The following UNC5D variants were observed in gnomAD, a reference collection of about 807,000 sequenced individuals.
UNC5D encodes unc-5 netrin receptor D.
Under a neutral mutation model 105.4 loss-of-function variants are expected in UNC5D, and 39 were observed. That is an observed-to-expected ratio of 0.37 (90% confidence interval 0.29 to 0.48). The LOEUF is 0.48. Ranked by LOEUF, UNC5D falls within the 20% of genes least tolerant of loss-of-function variation. The pLI, the probability that UNC5D is intolerant of heterozygous loss-of-function variation, is 0.98. For missense variants in UNC5D, 991 were observed against 1,202.4 expected, an observed-to-expected ratio of 0.82 and a Z score of 2.60; for synonymous variants, 452 against 450.4, an observed-to-expected ratio of 1.00 and a Z score of -0.04.
chr8:35,250,785 C>T (rs1295190075), intron 1 of UNC5D, among the ~76,000 whole-genome samples: 2 of 152,220 alleles, frequency 1.3e-5, no homozygotes, highest in Non-Finnish European at 2.9e-5. Context: ...GCATGAACCA[C>T]CGCTCCTGGC....
intron 1 of UNC5D, among the ~76,000 whole-genome samples, chr8:35,394,849 T>C (rs1804000533): frequency 6.6e-6 from 1 of 152,206 alleles, no homozygotes; most frequent in South Asian, 2.1e-4. Flanking sequence ...GTCGTGTTAG[T>C]AGTGAGAAAG....
In UNC5D at chr8:35,325,869, T is replaced by C. The variant is rs77792743; in HGVS notation, c.103+89982T>C. ...TGGTCACCAAAACATCATCCTATCATCGTCCTCAGTATAAAGTTGGGAAAA... is the reference window on the plus strand; with the variant it reads ...TGGTCACCAAAACATCATCCTATCACCGTCCTCAGTATAAAGTTGGGAAAA... On this transcript the variant is annotated intron_variant, in intron 1 of 16. Coordinates refer to ENST00000404895, the MANE Select transcript of UNC5D (RefSeq NM_080872.4). Among the ~76,000 whole-genome samples the C allele has an allele frequency of 7.9e-5, 12 of 152,288 alleles. 1 individual carries two copies. The highest frequency in any genetic ancestry group is 2.1e-4 in the South Asian group (1 of 4,820).
chr8:35,537,282 A>G (rs1233830829), intron 1 of UNC5D, among the ~76,000 whole-genome samples: 1 of 152,240 alleles, frequency 6.6e-6, no homozygotes, highest in Non-Finnish European at 1.5e-5. Context: ...TTATCCAATA[A>G]CTAACAAATA....
At chr8:35,678,393 A>G (rs1369015286) in intron 4 of UNC5D, among the ~76,000 whole-genome samples, 2 of 152,208 alleles carry the variant, frequency 1.3e-5, no homozygotes, top group Non-Finnish European at 2.9e-5. Context: ...AGCTAAATAT[A>G]AATTTGAAAA....
At chr8:35,395,238 A>C (rs1309182060) in intron 1 of UNC5D, among the ~76,000 whole-genome samples, 1 of 152,208 alleles carries the variant, frequency 6.6e-6, no homozygotes, top group Non-Finnish European at 1.5e-5. Context: ...TTCTATTATT[A>C]CTACTTTCTG....
chr8:35,676,978 A>G (rs373188594), intron 4 of UNC5D, among the ~76,000 whole-genome samples: 2 of 152,144 alleles, frequency 1.3e-5, no homozygotes, highest in African/African-American at 4.8e-5. Context: ...TATTACATTG[A>G]AATAAACATC....
chr8:35,312,991 G>A (rs1809012855), intron 1 of UNC5D, among the ~76,000 whole-genome samples: 1 of 152,162 alleles, frequency 6.6e-6, no homozygotes, highest in African/African-American at 2.4e-5. Flanking sequence ...AGATAGTTCT[G>A]TCAGACAGCT....
intron 4 of UNC5D, among the ~76,000 whole-genome samples, chr8:35,612,723 C>CTTTTTTTTTTTTTTTTTTTTTTTTT (rs57450378): frequency 1.5e-5 from 1 of 64,742 alleles, no homozygotes; most frequent in Non-Finnish European, 2.6e-5. Context: ...AATGTTTTGC[C>CTTTTTTTTTTTTTTTTTTTTTTTTT]TTTTTTTTTT....
At chr8:35,325,169 T>C (rs912800249) in intron 1 of UNC5D, among the ~76,000 whole-genome samples, 1 of 152,156 alleles carries the variant, frequency 6.6e-6, no homozygotes, top group Non-Finnish European at 1.5e-5. Context: ...GCATTCTATA[T>C]CTATCAATAA....
chr8:35,721,904 G>A (rs903638564), intron 8 of UNC5D, among the ~76,000 whole-genome samples: 1 of 152,188 alleles, frequency 6.6e-6, no homozygotes, highest in Non-Finnish European at 1.5e-5. Context: ...AAACTAAGGA[G>A]TTGTCTGCTC....
chr8:35,719,141 T>TACACAC (rs57660135), intron 8 of UNC5D, among the ~76,000 whole-genome samples: 20,691 of 132,862 alleles, frequency 0.16, 1,932 homozygotes, highest in East Asian at 0.24. Flanking sequence ...CATGTGCTTA[T>TACACAC]ACACACACAC....
At chr8:35,652,896 A>AT (rs1170002489) in intron 4 of UNC5D, among the ~76,000 whole-genome samples, 1 of 88,838 alleles carries the variant, frequency 1.1e-5, no homozygotes, top group Non-Finnish European at 2.2e-5. Context: ...GGTGGTCTTC[A>AT]TTTTCACTAC....
rs183681467 is a variant in UNC5D at position 35,674,829 on chromosome 8, G to A, written c.571-8718G>A. On this transcript the variant is annotated intron_variant, in intron 4 of 16. Transcript: ENST00000404895. ...GAATGCAGACCTCATCCTTCTCCCCGTTTTCTCACAAAAGCACAATCAATC... is the reference window on the plus strand; with the variant it reads ...GAATGCAGACCTCATCCTTCTCCCCATTTTCTCACAAAAGCACAATCAATC... 3.4e-4 allele frequency among the ~76,000 whole-genome samples: 51 copies of A among 152,124 alleles called. No individual in the cohort carries two copies. The East Asian group carries it at 6.2e-3, about 18-fold the overall frequency.
At chr8:35,590,243 TA>T (rs200522455) in intron 3 of UNC5D, among the ~76,000 whole-genome samples, 13 of 150,256 alleles carry the variant, frequency 8.7e-5, no homozygotes, top group Admixed American at 2.7e-4. Context: ...ATGTTTTAGA[TA>T]AAAAAAAAAT....
At chr8:35,549,091 A>T (rs1815912930) in intron 1 of UNC5D, among the ~76,000 whole-genome samples, 1 of 152,222 alleles carries the variant, frequency 6.6e-6, no homozygotes, top group African/African-American at 2.4e-5. Context: ...CACTGAAGCC[A>T]TGGCTAGCTG....
At chr8:35,763,570 G>A (rs1005766384) in intron 14 of UNC5D, among the ~76,000 whole-genome samples, 2 of 151,550 alleles carry the variant, frequency 1.3e-5, no homozygotes, top group African/African-American at 4.9e-5. Context: ...AAGTCCAAGT[G>A]CTTGCATTAC....
At chr8:35,242,358 A>T (rs1405321452) in intron 1 of UNC5D, among the ~76,000 whole-genome samples, 1 of 152,240 alleles carries the variant, frequency 6.6e-6, no homozygotes, top group East Asian at 1.9e-4. Context: ...GAAGGAGAAG[A>T]TGCAAGAGGC....
chr8:35,377,033 C>T (rs1004896341), intron 1 of UNC5D, among the ~76,000 whole-genome samples: 1 of 152,144 alleles, frequency 6.6e-6, no homozygotes, highest in East Asian at 1.9e-4. Context: ...ATTTAATTTA[C>T]GTATGTGTTG....
chr8:35,323,776 G>A lies in UNC5D; in HGVS notation c.103+87889G>A, dbSNP rs376215864. Among the ~76,000 whole-genome samples the A allele has an allele frequency of 9.9e-5, 15 of 152,150 alleles. No homozygotes were observed. In the East Asian group the frequency reaches 2.3e-3, roughly 23 times the overall value. On this transcript the variant is annotated intron_variant, in intron 1 of 16. Transcript: ENST00000404895. ...GTGGAGCTGAATCTGCACCCAGGCA[G>A]CATTACTCCATAATCTATGGAGTGA...
Sources: allele counts gnomAD v4.1 joint callset (sites outside exome capture counted in the v4.1 genomes callset), GRCh38; gene constraint gnomAD v4.1.1; transcripts MANE v1.5; gene names NCBI Gene and HGNC (gene_info 2026-07-23, HGNC 2026-07-21).